MATCAP2: variants seen among roughly 807,000 people sequenced by gnomAD.
MATCAP2 encodes the protein putative tyrosine carboxypeptidase MATCAP2.
At chr7:36,362,060 G>C in the MATCAP2 span, among the ~76,000 whole-genome samples, 531 of 152,326 alleles carry the variant, frequency 3.5e-3, 5 homozygotes, top group African/African-American at 0.012. Context: ...TTCGCTATCT[G>C]TTCTGGGCAA....
chr7:36,389,881 G>A, the MATCAP2 span: 2 of 1,434,838 alleles, frequency 1.4e-6, no homozygotes, highest in Non-Finnish European at 1.9e-6. Context: ...ACTGGAAGCC[G>A]AGAGGAGAGG....
the MATCAP2 span, among the ~76,000 whole-genome samples, chr7:36,374,206 G>T: frequency 6.6e-6 from 1 of 150,808 alleles, no homozygotes; most frequent in Admixed American, 6.6e-5. Flanking sequence ...AGACTCCTGA[G>T]TAGCTGGAGG....
At chr7:36,327,314 AT>A in the MATCAP2 span, among the ~76,000 whole-genome samples, 1 of 151,966 alleles carries the variant, frequency 6.6e-6, no homozygotes, top group Non-Finnish European at 1.5e-5. Context: ...AATTTTTTGT[AT>A]TTTTAGTAGA....
At chr7:36,384,021 T>A in the MATCAP2 span, 1 of 435,020 alleles carries the variant, frequency 2.3e-6, no homozygotes, top group Non-Finnish European at 3.8e-6. Context: ...AATAGTATTT[T>A]AAAAAGTATA....
the MATCAP2 span, chr7:36,357,184 G>C: frequency 6.2e-7 from 1 of 1,614,170 alleles, no homozygotes; most frequent in Non-Finnish European, 8.5e-7. Context: ...GCAGTACTAT[G>C]CCATTCCCTG....
the MATCAP2 span, chr7:36,366,708 A>ATT: frequency 2.6e-6 from 4 of 1,535,326 alleles, no homozygotes; most frequent in Non-Finnish European, 3.5e-6. Flanking sequence ...ACTTACTGAT[A>ATT]ATAAGTGACG....
At chr7:36,361,742 A>G in the MATCAP2 span, among the ~76,000 whole-genome samples, 1 of 152,142 alleles carries the variant, frequency 6.6e-6, no homozygotes, top group Admixed American at 6.5e-5. Context: ...CAAATGAACA[A>G]ACAAACAAAC....
chr7:36,348,758 G>A, the MATCAP2 span, among the ~76,000 whole-genome samples: 1 of 152,118 alleles, frequency 6.6e-6, no homozygotes, highest in Non-Finnish European at 1.5e-5. Context: ...ATTGAAAAAA[G>A]GGAAATAGAA....
At chr7:36,356,709 T>C in the MATCAP2 span, 2 of 610,922 alleles carry the variant, frequency 3.3e-6, no homozygotes, top group Non-Finnish European at 5.8e-6. Context: ...AGATTATAAA[T>C]TTTGATGAAT....
chr7:36,355,373 T>C, the MATCAP2 span: 4 of 152,242 alleles, frequency 2.6e-5, no homozygotes, highest in African/African-American at 9.6e-5. Flanking sequence ...GTAATCACTA[T>C]GTTAATGCTG....
the MATCAP2 span, among the ~76,000 whole-genome samples, chr7:36,335,618 T>G: frequency 6.6e-6 from 1 of 152,230 alleles, no homozygotes; most frequent in Non-Finnish European, 1.5e-5. Context: ...GTAATTCATC[T>G]AATCCCACAA....
At chr7:36,388,177 G>C in the MATCAP2 span, among the ~76,000 whole-genome samples, 3 of 152,082 alleles carry the variant, frequency 2.0e-5, no homozygotes, top group East Asian at 5.8e-4. Context: ...AGAAGTTCTT[G>C]TCCTGGTGTC....
the MATCAP2 span, among the ~76,000 whole-genome samples, chr7:36,330,144 G>A: frequency 6.6e-6 from 1 of 151,302 alleles, no homozygotes; most frequent in African/African-American, 2.4e-5. Context: ...GAGTTCAGTG[G>A]TACGATCATG....
chr7:36,349,782 CAA>C, the MATCAP2 span, among the ~76,000 whole-genome samples: 1 of 152,278 alleles, frequency 6.6e-6, no homozygotes, highest in South Asian at 2.1e-4. Context: ...ACATGTTAAT[CAA>C]GTTTTCAAAG....
the MATCAP2 span, chr7:36,383,901 T>A: frequency 4.4e-6 from 7 of 1,603,748 alleles, no homozygotes; most frequent in African/African-American, 4.0e-5. Flanking sequence ...GCCACTGCCT[T>A]ATGATTAGGT....
the MATCAP2 span, chr7:36,389,745 C>T: frequency 5.0e-6 from 2 of 399,126 alleles, no homozygotes; most frequent in Non-Finnish European, 8.7e-6. Context: ...GGGAACCACC[C>T]GGCCCGGCGC....
chr7:36,359,859 CG>C, the MATCAP2 span, among the ~76,000 whole-genome samples: 1 of 152,134 alleles, frequency 6.6e-6, no homozygotes, highest in Non-Finnish European at 1.5e-5. Flanking sequence ...GGAATAATGT[CG>C]GTTTCCCTCA....
the MATCAP2 span, among the ~76,000 whole-genome samples, chr7:36,339,968 T>C: frequency 6.6e-6 from 1 of 152,202 alleles, no homozygotes; most frequent in African/African-American, 2.4e-5. Flanking sequence ...TCCTGAGTGA[T>C]TCTCCTGCCT....
At chr7:36,388,791 G>A in the MATCAP2 span, among the ~76,000 whole-genome samples, 8 of 152,186 alleles carry the variant, frequency 5.3e-5, no homozygotes, top group Admixed American at 3.3e-4. Context: ...TCTCTCGGCA[G>A]TAAAAGGAAG....
Sources: allele counts gnomAD v4.1 joint callset (sites outside exome capture counted in the v4.1 genomes callset), GRCh38; gene constraint gnomAD v4.1.1; transcripts MANE v1.5; gene names NCBI Gene and HGNC (gene_info 2026-07-23, HGNC 2026-07-21).